CHSY3: variants seen among roughly 807,000 people sequenced by gnomAD.
CHSY3 encodes the protein N-acetylgalactosaminyl-proteoglycan 3-beta-glucuronosyltransferase 3.
A neutral mutation model predicts 67.2 loss-of-function variants in CHSY3; 35 were observed. The observed-to-expected ratio is 0.52, with a 90% CI of 0.40 to 0.69. The LOEUF is 0.69. Ranked by LOEUF, CHSY3 falls within the 30% of genes least tolerant of loss-of-function variation. The probability of loss-of-function intolerance (pLI) is 0.00; values close to 1 mark genes in which losing one functional copy is unlikely to be tolerated. For missense variants in CHSY3, 1,069 were observed against 1,138.5 expected (o/e 0.94, Z 0.88); for synonymous variants, 474 against 434.7 (o/e 1.09, Z -1.12).
At chr5:129,934,819 G>A (rs1580549750) in intron 2 of CHSY3, among the ~76,000 whole-genome samples, 1 of 152,172 alleles carries the variant, frequency 6.6e-6, no homozygotes, top group African/African-American at 2.4e-5. Flanking sequence ...TGAGAAAACA[G>A]GTTGCTTTAT....
chr5:130,145,477 C>T (rs961300333), intron 2 of CHSY3, among the ~76,000 whole-genome samples: 5 of 152,086 alleles, frequency 3.3e-5, no homozygotes, highest in African/African-American at 1.2e-4. Flanking sequence ...ATATTAAAGA[C>T]TTAAATGTAA....
At chr5:129,965,213 C>T (rs1054680229) in intron 2 of CHSY3, among the ~76,000 whole-genome samples, 1 of 151,792 alleles carries the variant, frequency 6.6e-6, no homozygotes, top group Non-Finnish European at 1.5e-5. Context: ...TTCAGGTCAA[C>T]TTCTGGGAAA....
chr5:130,008,789 A>G (rs1372583370), intron 2 of CHSY3, among the ~76,000 whole-genome samples: 2 of 152,250 alleles, frequency 1.3e-5, no homozygotes, highest in Non-Finnish European at 2.9e-5. Flanking sequence ...AATAGAGGTG[A>G]AAAACTCACT....
chr5:130,107,369 G>A (rs1451067283), intron 2 of CHSY3, among the ~76,000 whole-genome samples: 1 of 151,244 alleles, frequency 6.6e-6, no homozygotes, highest in Non-Finnish European at 1.5e-5. Flanking sequence ...CAAAAGAGTA[G>A]TATATATTTA....
chr5:130,013,047 A>G (rs1254520367), intron 2 of CHSY3, among the ~76,000 whole-genome samples: 1 of 151,878 alleles, frequency 6.6e-6, no homozygotes, highest in Non-Finnish European at 1.5e-5. Context: ...TGGCAAAAAC[A>G]AAGGGGCTAC....
chr5:130,104,330 C>G (rs773216188), intron 2 of CHSY3, among the ~76,000 whole-genome samples: 1 of 151,926 alleles, frequency 6.6e-6, no homozygotes, highest in African/African-American at 2.4e-5. Context: ...CCTTTCTCAC[C>G]GAAGAGTTAC....
chr5:129,944,970 C>A (rs1317615924), intron 2 of CHSY3, among the ~76,000 whole-genome samples: 1 of 152,180 alleles, frequency 6.6e-6, no homozygotes, highest in African/African-American at 2.4e-5. Flanking sequence ...ACTTCCTTAA[C>A]AAATGCTGAT....
At chr5:130,171,355 G>T (rs1320047577) in intron 2 of CHSY3, among the ~76,000 whole-genome samples, 1 of 151,964 alleles carries the variant, frequency 6.6e-6, no homozygotes, top group African/African-American at 2.4e-5. Context: ...GTTCTAAAAG[G>T]GTAGTTTTAA....
intron 2 of CHSY3, among the ~76,000 whole-genome samples, chr5:129,973,055 T>C (rs1002984473): frequency 2.6e-5 from 4 of 152,068 alleles, no homozygotes; most frequent in African/African-American, 9.7e-5. Flanking sequence ...CACATGATGC[T>C]CCTGCTCCTC....
chr5:130,008,592 G>C (rs1186148773), intron 2 of CHSY3, among the ~76,000 whole-genome samples: 1 of 152,128 alleles, frequency 6.6e-6, no homozygotes, highest in Non-Finnish European at 1.5e-5. Flanking sequence ...CAACCCACTA[G>C]CTCCCCAGCA....
intron 2 of CHSY3, among the ~76,000 whole-genome samples, chr5:130,035,223 T>G (rs1240998142): frequency 6.6e-6 from 1 of 151,956 alleles, no homozygotes; most frequent in Non-Finnish European, 1.5e-5. Flanking sequence ...GGTGGTAACT[T>G]GGGCCAGGAT....
intron 2 of CHSY3, among the ~76,000 whole-genome samples, chr5:129,969,786 A>G (rs1388038993): frequency 6.6e-6 from 1 of 151,902 alleles, no homozygotes; most frequent in African/African-American, 2.4e-5. Context: ...CAATAATTGA[A>G]GGGTATCCAG....
intron 2 of CHSY3, among the ~76,000 whole-genome samples, chr5:129,951,711 A>C (rs987704905): frequency 6.6e-6 from 1 of 152,200 alleles, no homozygotes; most frequent in African/African-American, 2.4e-5. Context: ...CTGAGAATTC[A>C]TGTACATAGA....
chr5:129,926,009 A>G (rs1229810114), intron 2 of CHSY3, among the ~76,000 whole-genome samples: 1 of 152,058 alleles, frequency 6.6e-6, no homozygotes, highest in East Asian at 1.9e-4. Flanking sequence ...GATAATGGAC[A>G]TATAGGATAA....
At chr5:130,135,094 C>A (rs560038549) in intron 2 of CHSY3, among the ~76,000 whole-genome samples, 10 of 151,852 alleles carry the variant, frequency 6.6e-5, no homozygotes, top group Middle Eastern at 3.4e-3. Flanking sequence ...CACATATATA[C>A]GTGTCTATAT....
chr5:130,128,273 T>A (rs904958038), intron 2 of CHSY3, among the ~76,000 whole-genome samples: 1 of 147,238 alleles, frequency 6.8e-6, no homozygotes, highest in Non-Finnish European at 1.5e-5. Context: ...TGCTCAGGCA[T>A]GCACATCTAC....
chr5:129,924,793 A>C (rs2453782), intron 2 of CHSY3, among the ~76,000 whole-genome samples: 14 of 152,088 alleles, frequency 9.2e-5, no homozygotes, highest in Admixed American at 5.9e-4. Context: ...ATGCACTTCT[A>C]TGAGAGCAAG....
At chr5:130,136,344 G>T (rs527351411) in intron 2 of CHSY3, among the ~76,000 whole-genome samples, 8 of 152,126 alleles carry the variant, frequency 5.3e-5, no homozygotes, top group Non-Finnish European at 1.2e-4. Context: ...GTAAAACTGG[G>T]GTGTACTGTG....
intron 2 of CHSY3, among the ~76,000 whole-genome samples, chr5:130,042,276 G>C (rs960081705): frequency 6.6e-6 from 1 of 152,070 alleles, no homozygotes; most frequent in South Asian, 2.1e-4. Flanking sequence ...GGATATCATT[G>C]CTACCTTCTA....
Sources: gnomAD v4.1 joint callset for allele counts (sites outside exome capture counted in the v4.1 genomes callset) on GRCh38, gnomAD v4.1.1 for gene constraint, MANE v1.5 for transcripts, NCBI Gene and HGNC (gene_info 2026-07-23, HGNC 2026-07-21) for gene names.